AFF1: variants seen among roughly 807,000 people sequenced by gnomAD.
AFF1 encodes the protein ALF transcription elongation factor 1.
A neutral mutation model predicts 121.7 loss-of-function variants in AFF1; 48 were observed. The observed-to-expected ratio is 0.39, with a 90% CI of 0.31 to 0.50. AFF1 has a LOEUF of 0.50. AFF1 is among the 20% of genes least tolerant of loss of function. The pLI is 0.76. For synonymous variants in AFF1, 613 were observed against 563.0 expected, an observed-to-expected ratio of 1.09 and a Z score of -1.26; for missense variants, 1,523 against 1,511.7, an observed-to-expected ratio of 1.01 and a Z score of -0.12.
chr4:87,037,463 C>T (rs552617915), intron 2 of AFF1, among the ~76,000 whole-genome samples: 1 of 152,178 alleles, frequency 6.6e-6, no homozygotes, highest in South Asian at 2.1e-4. Flanking sequence ...AGGCACACAC[C>T]ACCACACCCG....
intron 5 of AFF1, among the ~76,000 whole-genome samples, chr4:87,087,007 G>C (rs537830193): frequency 6.6e-6 from 1 of 152,242 alleles, no homozygotes; most frequent in African/African-American, 2.4e-5. Flanking sequence ...TAGTTTTCAG[G>C]GAATGGTCAT....
At chr4:87,032,103 G>A (rs969934556) in intron 2 of AFF1, among the ~76,000 whole-genome samples, 2 of 152,204 alleles carry the variant, frequency 1.3e-5, no homozygotes, top group Non-Finnish European at 2.9e-5. Context: ...CTTAGCAGAG[G>A]TCAAATGAAG....
rs377040744 is a variant in AFF1, at chr4:87,131,142, C to T, written c.3024C>T (p.Cys1008=). Residue 1008 remains cysteine (C), a synonymous_variant, in exon 17 of 21, where the codon TGC becomes TGT. Transcript: ENST00000395146. ...YLEAVLSFIE[C]GIATESESQS... ...AAGCCGTCTTGTCCTTCATTGAGTG[C>T]GGAATTGCCACAGAGTCTGAAAGCC... The T allele has an allele frequency of 5.8e-5, 94 of 1,614,048 alleles. No homozygotes were observed. Among genetic ancestry groups the T allele is most frequent in the Admixed American group, 1.3e-4 (8 of 60,006 alleles).
chr4:87,028,847 T>C (rs1240552215), intron 2 of AFF1, among the ~76,000 whole-genome samples: 1 of 152,198 alleles, frequency 6.6e-6, no homozygotes, highest in South Asian at 2.1e-4. Context: ...GACTATTGGA[T>C]TGTGTTCTTC....
intron 2 of AFF1, chr4:86,973,904 C>G (rs140118843): frequency 6.6e-6 from 1 of 151,902 alleles, no homozygotes; most frequent in African/African-American, 2.4e-5. Context: ...GGAGAGAATA[C>G]GAGAATAGAA....
At chr4:87,024,686 G>C (rs776084219) in intron 2 of AFF1, among the ~76,000 whole-genome samples, 9 of 152,080 alleles carry the variant, frequency 5.9e-5, no homozygotes, top group Non-Finnish European at 1.0e-4. Flanking sequence ...TGCCTCCTGG[G>C]TTCAAGCAAT....
In AFF1 at chr4:87,103,279, G is replaced by C. The variant is rs1725608491; in HGVS notation, c.1284-2349G>C. ...ACAGTAAATCAGGCTTTCTGGAATA[G>C]TTTGTGGTTACTCTTGGCTGTGCCA... On this transcript the variant is annotated intron_variant, in intron 8 of 20. Coordinates refer to ENST00000395146, the MANE Select transcript of AFF1 (RefSeq NM_001166693.3). 3.3e-5 allele frequency among the ~76,000 whole-genome samples: 5 copies of C among 152,174 alleles called. No individual in the cohort carries two copies. In the South Asian group the frequency reaches 1.0e-3, roughly 32 times the overall value.
At chr4:87,038,619 G>C (rs1729795271) in intron 2 of AFF1, among the ~76,000 whole-genome samples, 1 of 152,162 alleles carries the variant, frequency 6.6e-6, no homozygotes, top group African/African-American at 2.4e-5. Flanking sequence ...CTCCCTGTTT[G>C]TGACAGATCT....
chr4:87,031,701 G>C (rs530836886), intron 2 of AFF1, among the ~76,000 whole-genome samples: 1 of 152,196 alleles, frequency 6.6e-6, no homozygotes, highest in African/African-American at 2.4e-5. Flanking sequence ...TTATAAACAG[G>C]TCTTATAAAA....
intron 2 of AFF1, among the ~76,000 whole-genome samples, chr4:86,990,833 A>T (rs1171369431): frequency 3.9e-5 from 6 of 152,194 alleles, no homozygotes; most frequent in Non-Finnish European, 8.8e-5. Flanking sequence ...CTCAGCTGTG[A>T]TCTGCTTATT....
At chr4:87,083,347 G>A (rs894369667) in intron 4 of AFF1, among the ~76,000 whole-genome samples, 2 of 152,274 alleles carry the variant, frequency 1.3e-5, no homozygotes, top group African/African-American at 2.4e-5. Flanking sequence ...AAAAAACTTT[G>A]TGTGCGTCTG....
intron 2 of AFF1, among the ~76,000 whole-genome samples, chr4:87,044,936 A>G (rs1730520875): frequency 2.0e-5 from 3 of 152,200 alleles, no homozygotes; most frequent in Admixed American, 1.3e-4. Flanking sequence ...TTTAGAGTTT[A>G]TTCTGCAGTA....
In AFF1 at chr4:87,032,558, GC is replaced by G. The variant is rs200335027; in HGVS notation, c.39-13607del. ...AATATGCAAATAAGGTTAGGTATCT[GC>G]TTTGTAGTCCATGTGTTGTTTGCTA... On this transcript the variant is annotated intron_variant, in intron 2 of 20. Transcript: ENST00000395146. 3.6e-3 allele frequency among the ~76,000 whole-genome samples: 544 copies of G among 152,282 alleles called. 6 individuals carry two copies. Among genetic ancestry groups the G allele is most frequent in the African/African-American group, 0.013 (520 of 41,546 alleles).
At chr4:87,110,314 C>T (rs1001078718) in intron 11 of AFF1, among the ~76,000 whole-genome samples, 4 of 152,094 alleles carry the variant, frequency 2.6e-5, no homozygotes, top group African/African-American at 4.8e-5. Flanking sequence ...CCCATCACCT[C>T]AAGCATTTAT....
At chr4:86,991,247 A>G (rs1335332679) in intron 2 of AFF1, among the ~76,000 whole-genome samples, 1 of 152,032 alleles carries the variant, frequency 6.6e-6, no homozygotes, top group African/African-American at 2.4e-5. Flanking sequence ...AATGGAGACC[A>G]TCCTGGGTAA....
intron 2 of AFF1, among the ~76,000 whole-genome samples, chr4:87,032,625 C>T (rs771556552): frequency 6.6e-6 from 1 of 152,130 alleles, no homozygotes; most frequent in Non-Finnish European, 1.5e-5. Flanking sequence ...AATTTTGTCT[C>T]TTTTTATGAA....
At chr4:87,052,748 G>A (rs1560578187) in intron 4 of AFF1, among the ~76,000 whole-genome samples, 2 of 151,980 alleles carry the variant, frequency 1.3e-5, no homozygotes, top group African/African-American at 2.4e-5. Flanking sequence ...TGGGGTAGTA[G>A]CCATGTATGT....
At chr4:87,045,058 G>C (rs1420313648) in intron 2 of AFF1, among the ~76,000 whole-genome samples, 1 of 152,132 alleles carries the variant, frequency 6.6e-6, no homozygotes, top group Non-Finnish European at 1.5e-5. Flanking sequence ...GATAAGATGT[G>C]GGGGAGGCAG....
At chr4:87,127,144 C>A in intron 15 of AFF1, 27 bp downstream of exon 15, 2 of 1,513,438 alleles carry the variant, frequency 1.3e-6, no homozygotes, top group Non-Finnish European at 1.8e-6. Flanking sequence ...TTTCTTCTTG[C>A]TCTGTTTTGT....
Sources: allele counts gnomAD v4.1 joint callset (sites outside exome capture counted in the v4.1 genomes callset), GRCh38; gene constraint gnomAD v4.1.1; transcripts MANE v1.5; gene names NCBI Gene and HGNC (gene_info 2026-07-23, HGNC 2026-07-21).